DCDC2: variants seen among roughly 807,000 people sequenced by gnomAD.
The protein encoded by DCDC2 is doublecortin domain containing 2.
Under a neutral mutation model 50.2 loss-of-function variants are expected in DCDC2, and 40 were observed. That is an observed-to-expected ratio of 0.80 (90% CI 0.62 to 1.04). The LOEUF is 1.04. Among genes scored for constraint, DCDC2 ranks in the 50% least tolerant of loss-of-function variants. The pLI is 0.00. For missense variants in DCDC2, 570 were observed against 581.9 expected, an observed-to-expected ratio of 0.98 and a Z score of 0.21; for synonymous variants, 234 against 210.6, an observed-to-expected ratio of 1.11 and a Z score of -0.96.
chr6:24,347,631 A>T (rs1400272040), intron 2 of DCDC2, among the ~76,000 whole-genome samples: 1 of 152,166 alleles, frequency 6.6e-6, no homozygotes, highest in Non-Finnish European at 1.5e-5. Flanking sequence ...TTATATAAAG[A>T]CTTGAGCGTC....
At chr6:24,269,909 G>C (rs73394070) in intron 7 of DCDC2, among the ~76,000 whole-genome samples, 4,555 of 151,972 alleles carry the variant, frequency 0.03, 197 homozygotes, top group African/African-American at 0.1. Flanking sequence ...AAAACGGCTT[G>C]TTAGTAATGA....
chr6:24,284,197 G>A (rs1364010184), intron 6 of DCDC2, among the ~76,000 whole-genome samples: 1 of 152,160 alleles, frequency 6.6e-6, no homozygotes, highest in African/African-American at 2.4e-5. Flanking sequence ...CGCCCCCACT[G>A]CGGCCACCTA....
At chr6:24,192,757 G>C (rs927229096) in intron 8 of DCDC2, among the ~76,000 whole-genome samples, 74 of 151,960 alleles carry the variant, frequency 4.9e-4, no homozygotes, top group African/African-American at 1.7e-3. Flanking sequence ...AAAAGTAGGA[G>C]AGACAATTAG....
At chr6:24,261,272 T>C (rs1344192972) in intron 7 of DCDC2, among the ~76,000 whole-genome samples, 1 of 151,610 alleles carries the variant, frequency 6.6e-6, no homozygotes, top group Non-Finnish European at 1.5e-5. Flanking sequence ...ATCTGAGATG[T>C]CAGTGCTTTT....
At chr6:24,175,694 C>A (rs933645408) in intron 9 of DCDC2, among the ~76,000 whole-genome samples, 8 of 152,086 alleles carry the variant, frequency 5.3e-5, no homozygotes, top group African/African-American at 1.9e-4. Flanking sequence ...CTTGTAAATT[C>A]TCTGTATTTC....
intron 7 of DCDC2, among the ~76,000 whole-genome samples, chr6:24,213,757 G>A (rs745430435): frequency 1.8e-4 from 27 of 152,142 alleles, no homozygotes; most frequent in Non-Finnish European, 3.4e-4. Context: ...AGAGAGGAAG[G>A]GCAGGTTCAC....
intron 6 of DCDC2, 59 bp downstream of exon 6, chr6:24,288,793 A>C: frequency 6.8e-7 from 1 of 1,479,516 alleles, no homozygotes; most frequent in Non-Finnish European, 9.4e-7. Context: ...CCCAAAGGAC[A>C]GTCTCTTTGT....
chr6:24,190,383 T>A (rs1004257850), intron 8 of DCDC2, among the ~76,000 whole-genome samples: 3 of 152,092 alleles, frequency 2.0e-5, no homozygotes, highest in Admixed American at 6.5e-5. Context: ...CCTTGTGGGG[T>A]TGGGGGAGAG....
intron 2 of DCDC2, among the ~76,000 whole-genome samples, chr6:24,308,162 G>A (rs570445435): frequency 1.3e-5 from 2 of 152,340 alleles, no homozygotes; most frequent in African/African-American, 4.8e-5. Context: ...GGGCAAAAGA[G>A]CAGAGAAAGG....
At chr6:24,249,222 T>C (rs963588951) in intron 7 of DCDC2, among the ~76,000 whole-genome samples, 3 of 152,200 alleles carry the variant, frequency 2.0e-5, no homozygotes, top group African/African-American at 7.2e-5. Context: ...GTGAGCTGAT[T>C]GTTTTTAATA....
intron 2 of DCDC2, among the ~76,000 whole-genome samples, chr6:24,308,391 A>C (rs571035737): frequency 6.6e-6 from 1 of 152,336 alleles, no homozygotes; most frequent in East Asian, 1.9e-4. Context: ...TCCCAGCTCA[A>C]CTATGGATTA....
At chr6:24,329,301 G>A (rs1759927260) in intron 2 of DCDC2, among the ~76,000 whole-genome samples, 1 of 152,156 alleles carries the variant, frequency 6.6e-6, no homozygotes, top group Non-Finnish European at 1.5e-5. Context: ...TTGCACAGAA[G>A]CTAGACTTCC....
At chr6:24,290,578 G>A (rs1763723294) in intron 5 of DCDC2, among the ~76,000 whole-genome samples, 1 of 151,914 alleles carries the variant, frequency 6.6e-6, no homozygotes, top group South Asian at 2.1e-4. Flanking sequence ...AAAGTTATTT[G>A]GTCTAGCAAC....
At chr6:24,345,681 ACACTTATT>A (rs1294559164) in intron 2 of DCDC2, among the ~76,000 whole-genome samples, 1 of 152,222 alleles carries the variant, frequency 6.6e-6, no homozygotes, top group African/African-American at 2.4e-5. Flanking sequence ...TACAGATAGC[ACACTTATT>A]CACTGATAGA....
intron 8 of DCDC2, among the ~76,000 whole-genome samples, chr6:24,179,075 C>T (rs1246719469): frequency 6.6e-5 from 10 of 152,106 alleles, no homozygotes. Context: ...GAAAGATTGT[C>T]ATCCTCAAGG....
At chr6:24,189,411 G>A (rs2113749372) in intron 8 of DCDC2, among the ~76,000 whole-genome samples, 1 of 152,268 alleles carries the variant, frequency 6.6e-6, no homozygotes, top group South Asian at 2.1e-4. Context: ...TACTTGGAAG[G>A]TATTTCCACA....
At chr6:24,362,322 T>C (rs1760679251), upstream of DCDC2, among the ~76,000 whole-genome samples, 1 of 146,626 alleles carries the variant, frequency 6.8e-6, no homozygotes, top group African/African-American at 2.5e-5. Flanking sequence ...GTTGATACAA[T>C]TATTTTTTAT....
intron 8 of DCDC2, among the ~76,000 whole-genome samples, chr6:24,180,338 G>A (rs1246831668): frequency 2.0e-5 from 3 of 151,928 alleles, no homozygotes; most frequent in Admixed American, 6.6e-5. Flanking sequence ...TGGCTGGAGT[G>A]CAGTGGTGCG....
intron 7 of DCDC2, among the ~76,000 whole-genome samples, chr6:24,274,065 A>G (rs1373191272): frequency 1.3e-5 from 2 of 152,244 alleles, no homozygotes; most frequent in Non-Finnish European, 2.9e-5. Context: ...ATCCATCAAA[A>G]GAATACAACT....
Sources: allele counts gnomAD v4.1 joint callset (sites outside exome capture counted in the v4.1 genomes callset), GRCh38; gene constraint gnomAD v4.1.1; transcripts MANE v1.5; gene names NCBI Gene and HGNC (gene_info 2026-07-23, HGNC 2026-07-21).